CDK11A: variants seen among roughly 807,000 people sequenced by gnomAD.
The protein encoded by CDK11A is cyclin dependent kinase 11A.
A neutral mutation model predicts 83.6 loss-of-function variants in CDK11A; 55 were observed. The observed-to-expected ratio is 0.66, with a 90% CI of 0.53 to 0.82. The LOEUF is 0.82. Among genes scored for constraint, CDK11A ranks in the 40% least tolerant of loss-of-function variants. The pLI is 0.00. For synonymous variants in CDK11A, 247 were observed against 302.7 expected, an observed-to-expected ratio of 0.82 and a Z score of 1.91; for missense variants, 564 against 810.1, an observed-to-expected ratio of 0.70 and a Z score of 3.69.
At chr1:1,713,611 C>T (rs77869096) in intron 5 of CDK11A, among the ~76,000 whole-genome samples, 7,629 of 29,408 alleles carry the variant, frequency 0.26, 1,891 homozygotes, top group Non-Finnish European at 0.51. Context: ...AACACAGCTT[C>T]ATTCCCTGTC....
chr1:1,716,358 G>T lies in CDK11A; in HGVS notation c.476C>A (p.Ser159Tyr). The change falls in exon 5 of 20, where the codon TCC becomes TAC. Residue 159 changes from serine to tyrosine, a missense_variant. Coordinates refer to ENST00000404249, the MANE Select transcript of CDK11A (RefSeq NM_024011.4). ...CCAGCCCACTCACCTTTCTCTCCTG[G>T]AATGCTCCCTTGCCATTTCCCTTCT... ...QKRREMAREH[S>Y]RRERDRLEQL... 6.2e-7 allele frequency: 1 copy of T among 1,608,850 alleles called. No homozygotes were observed. The highest frequency in any genetic ancestry group is 1.1e-5 in the South Asian group (1 of 90,726).
chr1:1,719,672 G>C (rs1405080154), intron 3 of CDK11A, among the ~76,000 whole-genome samples: 1 of 138,304 alleles, frequency 7.2e-6, no homozygotes, highest in Non-Finnish European at 1.5e-5. Flanking sequence ...CTGGAGTGTA[G>C]ACACGCGATC....
At chr1:1,714,826 G>A (rs1420441337) in intron 5 of CDK11A, among the ~76,000 whole-genome samples, 5 of 142,356 alleles carry the variant, frequency 3.5e-5, no homozygotes, top group African/African-American at 7.6e-5. Context: ...CTCAGGGCTG[G>A]TCACAAGTGG....
chr1:1,706,823 G>A (rs1328367401), intron 11 of CDK11A, among the ~76,000 whole-genome samples: 2 of 150,500 alleles, frequency 1.3e-5, no homozygotes, highest in Admixed American at 6.6e-5. Context: ...ATGCGCCAGA[G>A]AGAACCTCTC....
chr1:1,717,507 T>C (rs909824), intron 4 of CDK11A, among the ~76,000 whole-genome samples: 117,371 of 147,610 alleles, frequency 0.8, 49,100 homozygotes, highest in Non-Finnish European at 0.92. Context: ...CAGGTCATTT[T>C]AAATGTAAAC....
intron 5 of CDK11A, among the ~76,000 whole-genome samples, chr1:1,716,094 G>C (rs189473022): frequency 2.7e-5 from 4 of 150,522 alleles, no homozygotes; most frequent in Non-Finnish European, 5.9e-5. Flanking sequence ...CCGGCGGGAC[G>C]TGCAGATTTC....
At chr1:1,721,449 G>A (rs2101354653) in intron 3 of CDK11A, 147 bp downstream of exon 3, 2 of 877,140 alleles carry the variant, frequency 2.3e-6, no homozygotes, top group Admixed American at 2.8e-5. Flanking sequence ...TAGTACAACA[G>A]CTACAACACG....
In CDK11A at chr1:1,714,532, C is replaced by G. The variant is rs1327619153; in HGVS notation, c.488+1814G>C. 8.9e-5 allele frequency among the ~76,000 whole-genome samples: 4 copies of G among 45,100 alleles called. 2 individuals carry two copies. Among genetic ancestry groups the G allele is most frequent in the Non-Finnish European group, 4.5e-4 (4 of 8,934 alleles). 29.6% of individuals were successfully genotyped at this position (45,100 alleles called of 152,430 possible). A position where few individuals can be genotyped will look rare whatever the true frequency, so the allele number is the denominator to read the frequency against. ...TTTCGTTGTTACCACCAAGGCCTGT[C>G]TGGTTGTCCGTGAAATCCATCTCCC... On this transcript the variant is annotated intron_variant, in intron 5 of 19. Transcript: ENST00000404249.
intron 4 of CDK11A, among the ~76,000 whole-genome samples, chr1:1,718,802 A>G (rs1570429230): frequency 6.7e-6 from 1 of 149,704 alleles, no homozygotes. Context: ...ACGCCCGGCT[A>G]ATTTTTTGTA....
intron 4 of CDK11A, among the ~76,000 whole-genome samples, chr1:1,718,268 T>C (rs1465172351): frequency 6.8e-6 from 1 of 148,068 alleles, no homozygotes; most frequent in African/African-American, 2.5e-5. Context: ...GTTTGCTCTC[T>C]CTGGTTTTCG....
chr1:1,705,063 C>G, intron 12 of CDK11A, 38 bp from the exon 13 acceptor site: 3 of 1,580,142 alleles, frequency 1.9e-6, no homozygotes, highest in Non-Finnish European at 2.6e-6. Context: ...GAGGCATTCT[C>G]AAAGTCACGG....
intron 4 of CDK11A, among the ~76,000 whole-genome samples, chr1:1,718,163 GGTTTT>G (rs1644750949): frequency 7.3e-6 from 1 of 137,390 alleles, no homozygotes; most frequent in Non-Finnish European, 1.6e-5. Flanking sequence ...TGCTCTCTCT[GGTTTT>G]CGGTCTGTGA....
chr1:1,721,519 T>C (rs1644905440), intron 3 of CDK11A, 77 bp downstream of exon 3: 1 of 1,504,142 alleles, frequency 6.6e-7, no homozygotes. Flanking sequence ...CACACAGTTG[T>C]CACAGTGACC....
In CDK11A at chr1:1,704,215, G is replaced by T. The variant is rs200450180; in HGVS notation, c.1686+8C>A. On this transcript the variant is annotated splice_region_variant and intron_variant, in intron 15 of 19. Coordinates refer to ENST00000404249, the MANE Select transcript of CDK11A (RefSeq NM_024011.4). ...ACCCTGGGATGGGCCACTCGGAGGG[G>T]GGCTCACCTTGAGGATGCCGGCGTG... The T allele has an allele frequency of 3.7e-6, 6 of 1,608,392 alleles. 1 individual carries two copies. The highest frequency in any genetic ancestry group is 5.1e-6 in the Non-Finnish European group (6 of 1,176,746).
In CDK11A at chr1:1,704,253, G is replaced by T; in HGVS notation, c.1656C>A (p.Asn552Lys). The T allele has an allele frequency of 6.2e-7, 1 of 1,608,594 alleles. No individual in the cohort carries two copies. ...WILHRDLKTS[N>K]LLLSHAGILK... is the part of the protein sequence containing the mutation. ...GGATGCCGGCGTGGCTCAGCAGCAG[G>T]TTGGACGTCTTGAGGTCACGGTGCA... The change falls in exon 15 of 20, where the codon AAC becomes AAA. Residue 552 changes from asparagine to lysine, a missense_variant. Around this residue, in one of 5 missense-constraint regions of CDK11A, gnomAD observed 361 missense variants for 402.7 expected, o/e 0.90. Transcript: ENST00000404249.
Position 1,719,549 on chromosome 1 carries a change from G to A in CDK11A, c.228-94C>T, listed in dbSNP as rs1363089347. The A allele has an allele frequency of 6.3e-6, 6 of 945,812 alleles. No individual in the cohort carries two copies. The African/African-American group carries it at 1.0e-4, about 16-fold the overall frequency. The allele number at this position is 945,812 out of a possible 1,614,324, so 58.6% of individuals were successfully genotyped here. On this transcript the variant is annotated intron_variant, in intron 3 of 19. Transcript: ENST00000404249. The stretch of plus-strand genomic sequence containing the variant: ...GTTTTTTCAACCCAGAAAAATGCAT[G>A]ATTCAGATAGGAACGAAGCTGAAAC...
intron 13 of CDK11A, 122 bp downstream of exon 13, chr1:1,704,782 G>A (rs1287803771): frequency 2.5e-6 from 4 of 1,597,178 alleles, no homozygotes; most frequent in South Asian, 1.1e-5. Flanking sequence ...TTGCTTCTGT[G>A]TGGTCTGTGA....
chr1:1,720,673 A>G (rs895700850), intron 3 of CDK11A, among the ~76,000 whole-genome samples: 1 of 145,698 alleles, frequency 6.9e-6, no homozygotes, highest in African/African-American at 2.5e-5. Flanking sequence ...CTGGGATTAC[A>G]GGCATGAGCC....
In CDK11A at chr1:1,706,292, C is replaced by T. The variant is rs999785567; in HGVS notation, c.1246-560G>A. Among the ~76,000 whole-genome samples the T allele has an allele frequency of 1.1e-4, 16 of 151,014 alleles. 2 individuals carry two copies. The highest frequency in any genetic ancestry group is 1.5e-4 in the Non-Finnish European group (10 of 67,630). On this transcript the variant is annotated intron_variant, in intron 11 of 19. Coordinates refer to ENST00000404249, the MANE Select transcript of CDK11A (RefSeq NM_024011.4). ...TTCACCATATTGGCCAGGCTGGTCT[C>T]GAACTCCTGACCTCTGATCCGCCCA...
Sources: gnomAD v4.1 joint callset for allele counts (sites outside exome capture counted in the v4.1 genomes callset) on GRCh38, gnomAD v4.1.1 for gene constraint, gnomAD v4.1.1 regional missense constraint, MANE v1.5 for transcripts, NCBI Gene and HGNC (gene_info 2026-07-23, HGNC 2026-07-21) for gene names.